Variants in KATNIP observed in about 807,000 individuals in gnomAD.
The protein encoded by KATNIP is katanin interacting protein, also known as katanin-interacting protein.
KATNIP carries 126 observed loss-of-function variants against 174.0 expected under a neutral mutation model. The ratio of observed to expected loss-of-function variants is 0.72; its 90% CI spans 0.63 to 0.84. The LOEUF is 0.84. Among genes scored for constraint, KATNIP ranks in the 40% least tolerant of loss-of-function variants. The pLI, the probability that KATNIP is intolerant of heterozygous loss-of-function variation, is 0.00. For missense variants in KATNIP, 1,958 were observed against 2,109.7 expected, an observed-to-expected ratio of 0.93 and a Z score of 1.41; for synonymous variants, 810 against 835.7, an observed-to-expected ratio of 0.97 and a Z score of 0.53.
chr16:27,629,048 G>T (rs1189361265), intron 4 of KATNIP, among the ~76,000 whole-genome samples: 1 of 151,774 alleles, frequency 6.6e-6, no homozygotes, highest in East Asian at 1.9e-4. Context: ...TGCACCTGTA[G>T]TCCCAGCTAC....
chr16:27,581,426 C>A (rs966609689), intron 2 of KATNIP, among the ~76,000 whole-genome samples: 6 of 152,112 alleles, frequency 3.9e-5, no homozygotes, highest in African/African-American at 1.4e-4. Context: ...CCCAGGTTAT[C>A]TTGTAGCAAG....
chr16:27,712,915 C>G (rs116160101), intron 13 of KATNIP, among the ~76,000 whole-genome samples: 4 of 152,100 alleles, frequency 2.6e-5, no homozygotes, highest in Non-Finnish European at 5.9e-5. Context: ...AAGCCACCCC[C>G]CAACCTCAGC....
intron 1 of KATNIP, among the ~76,000 whole-genome samples, chr16:27,550,918 A>G (rs945908045): frequency 6.6e-6 from 1 of 152,198 alleles, no homozygotes; most frequent in African/African-American, 2.4e-5. Context: ...GTAAATGCAG[A>G]TGTCTGCAGA....
chr16:27,778,573 G>C lies in KATNIP; in HGVS notation c.4802-1G>C. On this transcript the variant is annotated splice_acceptor_variant, in intron 27 of 27. Coordinates refer to ENST00000261588, the MANE Select transcript of KATNIP (RefSeq NM_015202.5). LOFTEE classifies it high-confidence loss of function. ...GGTCCCTCTGTTCCCTGTCATGACA[G>C]CCTTACGTCCCAAAACCTGCATCAG... 6.2e-7 allele frequency: 1 copy of C among 1,613,676 alleles called. No homozygotes were observed. Among genetic ancestry groups the C allele is most frequent in the East Asian group, 2.2e-5 (1 of 44,844 alleles).
intron 14 of KATNIP, among the ~76,000 whole-genome samples, chr16:27,730,540 A>G (rs2080632655): frequency 6.6e-6 from 1 of 152,042 alleles, no homozygotes; most frequent in Non-Finnish European, 1.5e-5. Context: ...TTGACCTCCC[A>G]CTGGCCCCCA....
At chr16:27,718,089 G>A (rs960620010) in intron 13 of KATNIP, among the ~76,000 whole-genome samples, 5 of 152,214 alleles carry the variant, frequency 3.3e-5, no homozygotes, top group African/African-American at 1.2e-4. Flanking sequence ...TCTGCTTCTA[G>A]GGGAATCCAG....
chr16:27,604,392 C>G (rs188635460), intron 2 of KATNIP, among the ~76,000 whole-genome samples: 102 of 152,298 alleles, frequency 6.7e-4, no homozygotes, highest in African/African-American at 2.3e-3. Flanking sequence ...CACCACCACG[C>G]CCAGCTACTT....
intron 2 of KATNIP, among the ~76,000 whole-genome samples, chr16:27,595,530 G>A (rs1431497560): frequency 2.0e-5 from 3 of 152,200 alleles, no homozygotes; most frequent in South Asian, 2.1e-4. Flanking sequence ...AAGTCTGGTC[G>A]TGTAGATGGG....
At chr16:27,755,380 C>T (rs918338869) in intron 18 of KATNIP, 1 of 152,234 alleles carries the variant, frequency 6.6e-6, no homozygotes. Context: ...TCCCTAGACA[C>T]AGACCCTGAG....
Position 27,618,484 on chromosome 16 carries a change from G to A in KATNIP, c.123G>A (p.Leu41=), listed in dbSNP as rs2076105080. The A allele has an allele frequency of 1.9e-6, 3 of 1,612,694 alleles. No individual in the cohort carries two copies. The highest frequency in any genetic ancestry group is 1.3e-5 in the African/African-American group (1 of 74,996). Residue 41 remains leucine (L), a synonymous_variant, in exon 3 of 28, where the codon TTG becomes TTA. Coordinates refer to ENST00000261588, the MANE Select transcript of KATNIP (RefSeq NM_015202.5). Reference sequence around the variant, plus strand: ...AGAAACATGATGAGTATTTAATATTGCTTCAGCAGAGGAACCGGTAAGAGA... The same window carrying A: ...AGAAACATGATGAGTATTTAATATTACTTCAGCAGAGGAACCGGTAAGAGA... ...FDEKHDEYLI[L]LQQRNRILKH... is the part of the protein sequence containing the mutation.
intron 2 of KATNIP, among the ~76,000 whole-genome samples, chr16:27,583,634 G>A (rs1171455413): frequency 1.3e-5 from 2 of 152,182 alleles, no homozygotes; most frequent in Non-Finnish European, 2.9e-5. Flanking sequence ...CCCTCTCTGA[G>A]CCCGTATTTC....
rs1322919943 is a variant in KATNIP at position 27,761,424 on chromosome 16, AATT to A, written c.3644_3646del (p.Asn1215_Phe1216delinsIle). 1.2e-6 allele frequency: 2 copies of A among 1,608,014 alleles called. No homozygotes were observed. Among genetic ancestry groups the A allele is most frequent in the African/African-American group, 2.7e-5 (2 of 74,596 alleles). On this transcript the variant is annotated inframe_deletion, in exon 19 of 28. Transcript: ENST00000261588. ...TCTTCCTGTTGCAGGCCTTCAGCTG[AATT>A]TCACTGCCTCCTGGGGAGACTTGCA...
Position 27,571,446 on chromosome 16 carries a change from A to G in KATNIP, c.8-2455A>G, listed in dbSNP as rs2090290014. Among the ~76,000 whole-genome samples, 3 of 151,386 alleles carry G rather than the reference A, an allele frequency of 2.0e-5. No individual in the cohort carries two copies. The South Asian group carries it at 6.2e-4, about 31-fold the overall frequency. The stretch of plus-strand genomic sequence containing the variant: ...TAAAGATGATTCAGCCTAACTCTTA[A>G]AGAAAAAAAAAAAAAACTATGGCCC... On this transcript the variant is annotated intron_variant, in intron 1 of 27. Coordinates refer to ENST00000261588, the MANE Select transcript of KATNIP (RefSeq NM_015202.5).
rs147429635 is a variant in KATNIP, at chr16:27,671,277, T to G, written c.541-6452T>G. Among the ~76,000 whole-genome samples, 127 of 152,304 alleles carry G rather than the reference T, an allele frequency of 8.3e-4. 3 individuals carry two copies. Among genetic ancestry groups the G allele is most frequent in the Non-Finnish European group, 2.8e-4 (19 of 68,022 alleles). On this transcript the variant is annotated intron_variant, in intron 6 of 27. Transcript: ENST00000261588. ...ATATGCATACCTACATGTATAGAAA[T>G]TAACAATGATTTTAAAAATTGAGTT...
Position 27,776,750 on chromosome 16 carries a change from G to A in KATNIP, c.4450-178G>A, listed in dbSNP as rs999790456. The A allele has an allele frequency of 1.1e-5, 7 of 610,424 alleles. No homozygotes were observed. The highest frequency in any genetic ancestry group is 2.1e-5 in the Non-Finnish European group (7 of 339,666). The allele number at this position is 610,424 out of a possible 1,614,324, so 37.8% of individuals were successfully genotyped here. ...GTTTGTTGCAAATGCAGCCACACGTGACCTGACTCAAGATGGGCTTCGAGG... is the reference window on the plus strand; with the variant it reads ...GTTTGTTGCAAATGCAGCCACACGTAACCTGACTCAAGATGGGCTTCGAGG... On this transcript the variant is annotated intron_variant, in intron 24 of 27. Coordinates refer to ENST00000261588, the MANE Select transcript of KATNIP (RefSeq NM_015202.5). This position sits in a 1 kb window ranked among gnomAD's most constrained non-coding sequence, Gnocchi z 4.7.
intron 12 of KATNIP, among the ~76,000 whole-genome samples, chr16:27,704,343 TTCTGA>T (rs1208687822): frequency 6.6e-6 from 1 of 152,212 alleles, no homozygotes; most frequent in Non-Finnish European, 1.5e-5. Flanking sequence ...GACAAATTAT[TTCTGA>T]TGATAACCTC....
chr16:27,643,259 ACC>A (rs1567243458), intron 5 of KATNIP: 2 of 152,148 alleles, frequency 1.3e-5, no homozygotes, highest in Admixed American at 1.3e-4. Flanking sequence ...AGTGGCCTAC[ACC>A]CTTGTGACTC....
rs1325333171 is a variant in KATNIP at position 27,631,060 on chromosome 16, T to G, written c.311-5T>G. On this transcript the variant is annotated splice_polypyrimidine_tract_variant and splice_region_variant and intron_variant, in intron 4 of 27. Coordinates refer to ENST00000261588, the MANE Select transcript of KATNIP (RefSeq NM_015202.5). ...CCAAGTCTCCTTCCCTCGTCTCTGGTGCAGATTATGGACGAAGAACTCTGT... is the reference window on the plus strand; with the variant it reads ...CCAAGTCTCCTTCCCTCGTCTCTGGGGCAGATTATGGACGAAGAACTCTGT... 6.4e-7 allele frequency: 1 copy of G among 1,561,260 alleles called. No individual in the cohort carries two copies. The highest frequency in any genetic ancestry group is 1.4e-5 in the African/African-American group (1 of 73,784).
chr16:27,662,769 G>A (rs535958038), intron 6 of KATNIP, among the ~76,000 whole-genome samples: 4 of 152,226 alleles, frequency 2.6e-5, no homozygotes, highest in African/African-American at 2.4e-5. Context: ...ATTTATAGCC[G>A]ACCTAGAATT....
Sources: gnomAD v4.1 joint callset for allele counts (sites outside exome capture counted in the v4.1 genomes callset) on GRCh38, gnomAD v4.1.1 for gene constraint, Gnocchi (gnomAD v3.1) non-coding constraint, MANE v1.5 for transcripts, NCBI Gene and HGNC (gene_info 2026-07-23, HGNC 2026-07-21) for gene names.